PRSS55: variants seen among roughly 807,000 people sequenced by gnomAD.
PRSS55 encodes probable serine protease UNQ9391/PRO34284.
PRSS55 carries 41 observed loss-of-function variants against 23.6 expected under a neutral mutation model. The ratio of observed to expected loss-of-function variants is 1.74; its 90% CI spans 1.35 to 2.26. PRSS55 has a LOEUF of 2.26. PRSS55 is among the 30% of genes most tolerant of loss of function. PRSS55 has a pLI of 0.00. For synonymous variants in PRSS55, 262 were observed against 175.5 expected (o/e 1.49, Z -3.90); for missense variants, 669 against 439.1 (o/e 1.52, Z -4.68).
intron 4 of PRSS55, among the ~76,000 whole-genome samples, chr8:10,535,183 C>G (rs1192796498): frequency 6.6e-6 from 1 of 152,164 alleles, no homozygotes; most frequent in African/African-American, 2.4e-5. Context: ...ATCAAACTAC[C>G]AATGACATTA....
chr8:10,550,717 T>G (rs1387354858), intron 4 of PRSS55, among the ~76,000 whole-genome samples: 1 of 152,126 alleles, frequency 6.6e-6, no homozygotes, highest in Non-Finnish European at 1.5e-5. Context: ...TTACCTTGGT[T>G]TTTACTGTAT....
chr8:10,542,340 C>T (rs1812679436), downstream of PRSS55, among the ~76,000 whole-genome samples: 1 of 149,226 alleles, frequency 6.7e-6, no homozygotes, highest in African/African-American at 2.5e-5. Context: ...TTGACCACTG[C>T]TGCTAAGGTG....
intron 4 of PRSS55, among the ~76,000 whole-genome samples, chr8:10,536,063 G>A (rs1477543161): frequency 1.3e-5 from 2 of 152,142 alleles, no homozygotes; most frequent in Non-Finnish European, 1.5e-5. Flanking sequence ...GTGGGTACCT[G>A]TAGTCCCAGC....
intron 4 of PRSS55, among the ~76,000 whole-genome samples, chr8:10,547,782 G>T (rs1391645696): frequency 1.5e-5 from 2 of 134,002 alleles, no homozygotes; most frequent in Non-Finnish European, 3.0e-5. Context: ...ATCTGGTGTT[G>T]CTCATTCACT....
chr8:10,551,948 G>A (rs565757840), intron 4 of PRSS55, among the ~76,000 whole-genome samples: 30 of 152,328 alleles, frequency 2.0e-4, no homozygotes, highest in South Asian at 1.0e-3. Flanking sequence ...GCAGTTAAAC[G>A]ACAGAAACAT....
intron 1 of PRSS55, among the ~76,000 whole-genome samples, chr8:10,526,526 T>A (rs534902140): frequency 6.6e-6 from 1 of 152,334 alleles, no homozygotes; most frequent in South Asian, 2.1e-4. Flanking sequence ...GGGGAGAGCA[T>A]CAGCAGAATA....
At chr8:10,543,437 T>TTCCA (rs1460031338), downstream of PRSS55, among the ~76,000 whole-genome samples, 81 of 22,554 alleles carry the variant, frequency 3.6e-3, 3 homozygotes, top group African/African-American at 5.9e-3. Flanking sequence ...CCTTCCTTCC[T>TTCCA]TCCTTCCATC....
chr8:10,548,434 C>A (rs1170727924), intron 4 of PRSS55, among the ~76,000 whole-genome samples: 1 of 152,222 alleles, frequency 6.6e-6, no homozygotes, highest in East Asian at 1.9e-4. Context: ...GTGGCTGCCA[C>A]CCTGCTGGGC....
downstream of PRSS55, among the ~76,000 whole-genome samples, chr8:10,542,941 G>A (rs898699875): frequency 6.6e-6 from 1 of 151,516 alleles, no homozygotes; most frequent in Admixed American, 6.6e-5. Context: ...CAAGGCTCAG[G>A]TGTCTGTGGC....
intron 4 of PRSS55, among the ~76,000 whole-genome samples, chr8:10,537,118 A>G (rs1260439787): frequency 6.6e-6 from 1 of 152,244 alleles, no homozygotes; most frequent in Non-Finnish European, 1.5e-5. Context: ...CAGCAACCCC[A>G]CTTCTGGGTA....
intron 3 of PRSS55, among the ~76,000 whole-genome samples, chr8:10,532,033 G>A (rs1179737656): frequency 1.3e-5 from 2 of 152,108 alleles, no homozygotes. Flanking sequence ...AGAAAAATAT[G>A]ACGAAGGGCC....
chr8:10,541,854 A>C (rs1028284950), downstream of PRSS55, among the ~76,000 whole-genome samples: 2 of 152,136 alleles, frequency 1.3e-5, no homozygotes, highest in African/African-American at 4.8e-5. Flanking sequence ...CATCTCAGGC[A>C]ATCCTCCCAA....
chr8:10,527,180 G>A (rs1164495056), intron 1 of PRSS55, among the ~76,000 whole-genome samples: 1 of 152,204 alleles, frequency 6.6e-6, no homozygotes, highest in Non-Finnish European at 1.5e-5. Flanking sequence ...TTCCTGTGTT[G>A]TTAAAAATGC....
downstream of PRSS55, chr8:10,541,278 T>A (rs566122265): frequency 2.0e-5 from 3 of 152,340 alleles, no homozygotes. Flanking sequence ...GTGGATGAGA[T>A]TGATGTTTAA....
chr8:10,538,648 C>T lies in PRSS55; in HGVS notation c.914C>T (p.Pro305Leu), dbSNP rs1328290170. 1.2e-6 allele frequency: 2 copies of T among 1,613,984 alleles called. No individual in the cohort carries two copies. Among genetic ancestry groups the T allele is most frequent in the Non-Finnish European group, 1.7e-6 (2 of 1,180,028 alleles). Residue 305 changes from proline (P) to leucine (L), a missense_variant, in exon 5 of 5, where the codon CCC (proline) becomes CTC (leucine). Physicochemically the swap from Pro to Leu is moderately conservative, Grantham distance 98. Transcript: ENST00000328655. ...AAAGTGACCCAGCTAGAGGGCAGGC[C>T]CTTCAATGCAGAGAAAAGGAGGACT... is the stretch of plus-strand genomic sequence containing the variant. ...IEKVTQLEGR[P>L]FNAEKRRTSV...
At chr8:10,552,353 C>T (rs1165977232) in intron 4 of PRSS55, among the ~76,000 whole-genome samples, 3 of 152,148 alleles carry the variant, frequency 2.0e-5, no homozygotes, top group Non-Finnish European at 2.9e-5. Context: ...CTACCGAGCA[C>T]CGGGTTGAAA....
At position 10,546,655 on chromosome 8, in the gene PRSS55, C is replaced by A. The variant is rs186876196; in HGVS notation, c.742-7288C>A. Among the ~76,000 whole-genome samples, 7 of 152,206 alleles carry A rather than the reference C, an allele frequency of 4.6e-5. No homozygotes were observed. The East Asian group carries it at 1.4e-3, about 30-fold the overall frequency. ...TGGAGAACTCACCACCTACAGGCAG[C>A]CCTCTGCTGCCTCCTCTTGACAAAC... On this transcript the variant is annotated intron_variant, in intron 4 of 4. Transcript: ENST00000522210.
At chr8:10,527,699 A>G (rs537783736) in intron 1 of PRSS55, among the ~76,000 whole-genome samples, 1 of 152,366 alleles carries the variant, frequency 6.6e-6, no homozygotes, top group South Asian at 2.1e-4. Flanking sequence ...CTCATATCAT[A>G]GTTCAGTCAC....
At chr8:10,530,348 G>A (rs531135621) in intron 2 of PRSS55, among the ~76,000 whole-genome samples, 31 of 152,180 alleles carry the variant, frequency 2.0e-4, no homozygotes, top group Non-Finnish European at 4.3e-4. Context: ...GGTGGCGTGC[G>A]CCTGTAGTCC....
Sources: allele counts gnomAD v4.1 joint callset (sites outside exome capture counted in the v4.1 genomes callset), GRCh38; gene constraint gnomAD v4.1.1; transcripts MANE v1.5; gene names NCBI Gene and HGNC (gene_info 2026-07-23, HGNC 2026-07-21).